SGSM1: variants seen among roughly 807,000 people sequenced by gnomAD.
SGSM1 encodes RUN and TBC1 domain containing 2.
A neutral mutation model predicts 133.8 loss-of-function variants in SGSM1; 73 were observed. The observed-to-expected ratio is 0.55, with a 90% CI of 0.45 to 0.66. The LOEUF (loss-of-function observed/expected upper bound fraction) is 0.66, where lower values mean the gene tolerates loss of function less well. Ranked by LOEUF, SGSM1 falls within the 30% of genes least tolerant of loss-of-function variation. SGSM1 has a pLI of 0.00. For synonymous variants in SGSM1, 563 were observed against 573.0 expected (o/e 0.98, Z 0.25); for missense variants, 1,213 against 1,448.1 (o/e 0.84, Z 2.64).
intron 19 of SGSM1, among the ~76,000 whole-genome samples, chr22:24,899,834 T>TA (rs1187611248): frequency 8.5e-5 from 13 of 152,066 alleles, no homozygotes; most frequent in African/African-American, 2.9e-4. Context: ...TTCTCTTTTT[T>TA]ATCATTTCTT....
At chr22:24,817,864 C>T (rs1446352751) in intron 2 of SGSM1, among the ~76,000 whole-genome samples, 1 of 152,166 alleles carries the variant, frequency 6.6e-6, no homozygotes, top group African/African-American at 2.4e-5. Flanking sequence ...TTCCTTTTTG[C>T]ACACTGCAGA....
intron 20 of SGSM1, among the ~76,000 whole-genome samples, chr22:24,902,518 AT>A (rs901136803): frequency 5.3e-5 from 8 of 151,766 alleles, no homozygotes; most frequent in African/African-American, 1.5e-4. Flanking sequence ...CTACAAAATA[AT>A]TTTTTTTAAC....
chr22:24,891,484 G>A (rs1445509397), intron 16 of SGSM1, among the ~76,000 whole-genome samples: 1 of 152,190 alleles, frequency 6.6e-6, no homozygotes, highest in Non-Finnish European at 1.5e-5. Flanking sequence ...AAAGCAGAAA[G>A]TTTCTGTAGT....
intron 13 of SGSM1, among the ~76,000 whole-genome samples, 183 bp downstream of exon 13, chr22:24,876,898 C>T (rs1309387418): frequency 1.3e-5 from 2 of 152,196 alleles, no homozygotes; most frequent in African/African-American, 2.4e-5. Flanking sequence ...TCAGGATAAA[C>T]AAGGTTATGC....
At chr22:24,904,487 G>A (rs1933296665) in intron 20 of SGSM1, among the ~76,000 whole-genome samples, 1 of 151,756 alleles carries the variant, frequency 6.6e-6, no homozygotes, top group Admixed American at 6.6e-5. Flanking sequence ...GGCTGAGGCA[G>A]GAGAATGTCG....
At chr22:24,914,222 G>T (rs941579789) in intron 22 of SGSM1, among the ~76,000 whole-genome samples, 10 of 150,124 alleles carry the variant, frequency 6.7e-5, no homozygotes, top group African/African-American at 2.5e-4. Context: ...GAACCCAGCA[G>T]GCAGAGCTTG....
Position 24,850,350 on chromosome 22 carries a change from G to A in SGSM1, c.373G>A (p.Ala125Thr), listed in dbSNP as rs1180349373. The A allele has an allele frequency of 1.2e-6, 2 of 1,613,910 alleles. No individual in the cohort carries two copies. Among genetic ancestry groups the A allele is most frequent in the South Asian group, 2.2e-5 (2 of 91,046 alleles). The change falls in exon 5 of 25, where the codon GCC becomes ACC. Residue 125 changes from alanine to threonine, a missense_variant. Transcript: ENST00000400358. ...LPKLPNLSPL[A>T]IKHLWIRTAL... ...GAAGCTGCCCAACTTGTCCCCACTT[G>A]CCATCAAGCATCTGTGGATTCGCAC...
intron 2 of SGSM1, among the ~76,000 whole-genome samples, chr22:24,809,879 C>T (rs1927631463): frequency 6.6e-6 from 1 of 152,180 alleles, no homozygotes; most frequent in Non-Finnish European, 1.5e-5. Flanking sequence ...TGACCATGTG[C>T]AGGGGCCCAG....
chr22:24,919,879 C>G lies in SGSM1; in HGVS notation c.3079C>G (p.His1027Asp), dbSNP rs1263420729. ...CTGGGAGACCATCTGGGCAGCCAAA[C>G]ACGTCTCCTCTGCGCACTACGTCCT... is the stretch of plus-strand genomic sequence containing the variant. ...LVWETIWAAK[H>D]VSSAHYVLFI... is the part of the protein sequence containing the mutation. The change falls in exon 24 of 25, where the codon CAC becomes GAC. Residue 1027 changes from histidine to aspartate, a missense_variant. By Grantham distance (81) the His-to-Asp change is moderately conservative (BLOSUM62 -1). Transcript: ENST00000400358. The G allele has an allele frequency of 6.2e-7, 1 of 1,613,948 alleles. No homozygotes were observed. The highest frequency in any genetic ancestry group is 2.2e-5 in the East Asian group (1 of 44,898).
At chr22:24,900,219 G>A (rs1336913495) in intron 19 of SGSM1, among the ~76,000 whole-genome samples, 1 of 151,752 alleles carries the variant, frequency 6.6e-6, no homozygotes, top group East Asian at 1.9e-4. Flanking sequence ...ATGGGGTTTT[G>A]CCATGTTGCT....
At chr22:24,854,534 G>A (rs75417179) in intron 5 of SGSM1, among the ~76,000 whole-genome samples, 1 of 152,314 alleles carries the variant, frequency 6.6e-6, no homozygotes, top group Non-Finnish European at 1.5e-5. Flanking sequence ...AGCAGGCTGG[G>A]CTTACAGGTG....
chr22:24,812,816 C>A (rs749937840), intron 2 of SGSM1, among the ~76,000 whole-genome samples: 1 of 152,166 alleles, frequency 6.6e-6, no homozygotes, highest in Admixed American at 6.5e-5. Flanking sequence ...TCCTTCCTTC[C>A]TCCCACAAAT....
Position 24,847,415 on chromosome 22 carries a change from C to T in SGSM1, c.140-219C>T, listed in dbSNP as rs1176235693. Among the ~76,000 whole-genome samples the T allele has an allele frequency of 2.0e-5, 3 of 152,218 alleles. No individual in the cohort carries two copies. The East Asian group carries it at 5.8e-4, about 29-fold the overall frequency. On this transcript the variant is annotated intron_variant, in intron 3 of 24. Coordinates refer to ENST00000400358, the MANE Select transcript of SGSM1 (RefSeq NM_001098497.3). ...GTCTTAACAATTATCCGACACCCAGCAGATGCCTAATAAGGAGTACTTCTT... is the reference window on the plus strand; with the variant it reads ...GTCTTAACAATTATCCGACACCCAGTAGATGCCTAATAAGGAGTACTTCTT...
Position 24,895,219 on chromosome 22 carries a change from T to G in SGSM1, c.1954-4T>G, listed in dbSNP as rs1221151776. 2 of 1,569,064 alleles carry G rather than the reference T, an allele frequency of 1.3e-6. No individual in the cohort carries two copies. The highest frequency in any genetic ancestry group is 1.7e-6 in the Non-Finnish European group (2 of 1,158,376). ...TCCCTCCCTCCTGCTCTTTCTTTTCTCAGTCCTCCCAGAGCTGCAGTTCGG... is the reference window on the plus strand; with the variant it reads ...TCCCTCCCTCCTGCTCTTTCTTTTCGCAGTCCTCCCAGAGCTGCAGTTCGG... On this transcript the variant is annotated splice_polypyrimidine_tract_variant and splice_region_variant and intron_variant, in intron 17 of 24. Transcript: ENST00000400358.
At chr22:24,917,145 G>A (rs1000110273) in intron 22 of SGSM1, among the ~76,000 whole-genome samples, 1 of 149,140 alleles carries the variant, frequency 6.7e-6, no homozygotes, top group African/African-American at 2.5e-5. Context: ...CTCTTGCCTT[G>A]GCCTCGCAAA....
At chr22:24,825,916 G>A (rs1928774137) in intron 2 of SGSM1, among the ~76,000 whole-genome samples, 1 of 152,196 alleles carries the variant, frequency 6.6e-6, no homozygotes, top group South Asian at 2.1e-4. Flanking sequence ...ACCCCAGGTG[G>A]GGAGTAGAGG....
chr22:24,905,788 C>CAAAAAAA (rs539155528), intron 21 of SGSM1, among the ~76,000 whole-genome samples: 1 of 88,538 alleles, frequency 1.1e-5, no homozygotes. Context: ...GACTCTGTCT[C>CAAAAAAA]AAAAAAAAAA....
chr22:24,855,695 T>G lies in SGSM1; in HGVS notation c.801+15T>G. 6.2e-7 allele frequency: 1 copy of G among 1,613,960 alleles called. No individual in the cohort carries two copies. Among genetic ancestry groups the G allele is most frequent in the Non-Finnish European group, 8.5e-7 (1 of 1,179,886 alleles). On this transcript the variant is annotated intron_variant, in intron 8 of 24. Transcript: ENST00000400358. Reference sequence around the variant, plus strand: ...TTGTTCAGCCGGTGAGAGGTTATCTTGGGCCTAGATCTTGCACTGAGGGTC... The same window carrying G: ...TTGTTCAGCCGGTGAGAGGTTATCTGGGGCCTAGATCTTGCACTGAGGGTC...
rs188555214 is a variant in SGSM1, at chr22:24,912,026, G to T, written c.2819-617G>T. On this transcript the variant is annotated intron_variant, in intron 21 of 24. Transcript: ENST00000400358. The stretch of plus-strand genomic sequence containing the variant: ...GCCAAGATTGCGCCACTGCACTCCA[G>T]CCTGGGCGACAGAGCGAGATTCTGT... Among the ~76,000 whole-genome samples the T allele has an allele frequency of 4.6e-3, 692 of 150,010 alleles. 2 individuals are homozygous for T. Among genetic ancestry groups the T allele is most frequent in the Non-Finnish European group, 7.8e-3 (529 of 67,800 alleles).
Sources: allele counts gnomAD v4.1 joint callset (sites outside exome capture counted in the v4.1 genomes callset), GRCh38; gene constraint gnomAD v4.1.1; transcripts MANE v1.5; gene names NCBI Gene and HGNC (gene_info 2026-07-23, HGNC 2026-07-21).